The following MAPK10 variants were observed in gnomAD, a reference collection of about 807,000 sequenced individuals.
MAPK10 encodes mitogen-activated protein kinase 10.
In MAPK10, 25 loss-of-function variants were observed where a neutral mutation model predicts 59.3. That is an observed-to-expected ratio of 0.42 (90% confidence interval 0.31 to 0.59). The LOEUF (loss-of-function observed/expected upper bound fraction) is 0.59. MAPK10 is among the 20% of genes least tolerant of loss of function. The pLI is 0.15. For missense variants in MAPK10, 351 were observed against 568.9 expected (o/e 0.62, Z 3.90); for synonymous variants, 190 against 200.5 (o/e 0.95, Z 0.44).
rs143637099 is a variant in MAPK10, at chr4:86,314,211, C to T, written c.-7+40319G>A. Among the ~76,000 whole-genome samples, 463 of 152,270 alleles carry T rather than the reference C, an allele frequency of 3.0e-3. 3 individuals are homozygous for T. Among genetic ancestry groups the T allele is most frequent in the Non-Finnish European group, 4.8e-3 (326 of 68,010 alleles). On this transcript the variant is annotated intron_variant, in intron 2 of 13. Transcript: ENST00000641462. ...CTGCAAGGAGGCCCAAAGGAGCCTT[C>T]CAGGCTCCTGGAAATATTCTAGATC... is the stretch of plus-strand genomic sequence containing the variant.
intron 2 of MAPK10, among the ~76,000 whole-genome samples, chr4:86,214,223 T>C (rs960528565): frequency 3.3e-5 from 5 of 151,954 alleles, no homozygotes; most frequent in African/African-American, 1.2e-4. Flanking sequence ...AAAAATAGAA[T>C]GAAACTATCT....
chr4:86,466,750 G>A (rs1295870571), intron 1 of MAPK10, among the ~76,000 whole-genome samples: 1 of 152,174 alleles, frequency 6.6e-6, no homozygotes, highest in Non-Finnish European at 1.5e-5. Context: ...CAGAACAAAA[G>A]AGGGTTTGGG....
chr4:86,414,996 G>A (rs1745677051), intron 1 of MAPK10, among the ~76,000 whole-genome samples: 2 of 151,944 alleles, frequency 1.3e-5, no homozygotes, highest in Admixed American at 6.6e-5. Flanking sequence ...AAATTAGCCA[G>A]GTGTTGTGGC....
chr4:86,548,501 A>G (rs998022694), intron 1 of MAPK10, among the ~76,000 whole-genome samples: 7 of 152,184 alleles, frequency 4.6e-5, no homozygotes, highest in African/African-American at 1.4e-4. Flanking sequence ...ATGTTGAATT[A>G]TAATCTCCAG....
intron 1 of MAPK10, among the ~76,000 whole-genome samples, chr4:86,421,796 G>A (rs79056453): frequency 0.04 from 6,120 of 152,172 alleles, 277 homozygotes; most frequent in African/African-American, 0.11. Context: ...GGATCGTGCC[G>A]CTCCTCTGAT....
chr4:86,587,202 G>A (rs1578190583), intron 1 of MAPK10, among the ~76,000 whole-genome samples: 1 of 152,198 alleles, frequency 6.6e-6, no homozygotes, highest in Non-Finnish European at 1.5e-5. Context: ...TAAGTGGCTT[G>A]CCAAGATTTG....
rs760481322 is a variant in MAPK10, at chr4:86,494,822, G to GAC, written c.-263+99086_-263+99087dup. Among the ~76,000 whole-genome samples the GAC allele has an allele frequency of 9.5e-5, 10 of 105,684 alleles. No homozygotes were observed. In the East Asian group the frequency reaches 3.2e-3, roughly 34 times the overall value. The allele number at this position is 105,684 out of a possible 152,430, so 69.3% of individuals were successfully genotyped here. A position where few individuals can be genotyped will look rare whatever the true frequency, so the allele number is the denominator to read the frequency against. ...CGTGCCACTGCACTCCAGCCTGGGC[G>GAC]ACAGAGAGAGACTCCGTCTCAAAAA... is the stretch of plus-strand genomic sequence containing the variant. On this transcript the variant is annotated intron_variant, in intron 1 of 4. Coordinates refer to the MAPK10 transcript ENST00000502302.
chr4:86,359,288 C>CTCTCTCTCTCTCTCTCTCTCTCTCTG (rs796310826), intron 1 of MAPK10, among the ~76,000 whole-genome samples: 1 of 94,608 alleles, frequency 1.1e-5, no homozygotes, highest in African/African-American at 5.3e-5. Context: ...CTCTCTCTCT[C>CTCTCTCTCTCTCTCTCTCTCTCTCTG]TGTGTGTGTG....
At chr4:86,171,729 G>A (rs944886357) in intron 3 of MAPK10, among the ~76,000 whole-genome samples, 16 of 151,786 alleles carry the variant, frequency 1.1e-4, no homozygotes, top group African/African-American at 3.9e-4. Context: ...TGACAAATGG[G>A]ATCTAATTAA....
chr4:86,372,032 C>G (rs1025902570), intron 1 of MAPK10, among the ~76,000 whole-genome samples: 1 of 152,082 alleles, frequency 6.6e-6, no homozygotes, highest in African/African-American at 2.4e-5. Context: ...CCAAGTGGAC[C>G]TAATAGACAT....
intron 2 of MAPK10, among the ~76,000 whole-genome samples, chr4:86,290,991 AG>A (rs1474449562): frequency 1.3e-5 from 2 of 152,208 alleles, no homozygotes; most frequent in African/African-American, 4.8e-5. Flanking sequence ...AACATTCTCA[AG>A]GAACACTCAG....
chr4:86,478,041 C>G (rs1032928515), intron 1 of MAPK10, among the ~76,000 whole-genome samples: 1 of 152,144 alleles, frequency 6.6e-6, no homozygotes, highest in Non-Finnish European at 1.5e-5. Flanking sequence ...TAAAAACACA[C>G]GTGCTTTCCC....
intron 2 of MAPK10, among the ~76,000 whole-genome samples, chr4:86,240,672 A>T (rs10470881): frequency 0.29 from 40,437 of 140,184 alleles, 7,386 homozygotes; most frequent in African/African-American, 0.58. Context: ...GTGCCTTTTT[A>T]TTTTTTTCCA....
chr4:86,419,240 C>T (rs900595178), intron 1 of MAPK10, among the ~76,000 whole-genome samples: 3 of 151,978 alleles, frequency 2.0e-5, no homozygotes, highest in African/African-American at 7.3e-5. Flanking sequence ...AAAAATATTT[C>T]CTTATCATAT....
At chr4:86,515,104 G>C (rs1035558372) in intron 1 of MAPK10, among the ~76,000 whole-genome samples, 2 of 151,896 alleles carry the variant, frequency 1.3e-5, no homozygotes, top group Non-Finnish European at 2.9e-5. Flanking sequence ...TCGTTGTTTG[G>C]GTTTCCATTC....
intron 2 of MAPK10, among the ~76,000 whole-genome samples, chr4:86,282,801 C>A (rs1232793489): frequency 1.3e-5 from 2 of 152,110 alleles, no homozygotes; most frequent in African/African-American, 4.8e-5. Flanking sequence ...TGGGAACATC[C>A]AAGAGGATGG....
intron 1 of MAPK10, among the ~76,000 whole-genome samples, chr4:86,482,546 C>T (rs1564932316): frequency 6.6e-6 from 1 of 152,230 alleles, no homozygotes; most frequent in East Asian, 1.9e-4. Context: ...CAGAGAGCTC[C>T]TGCCGTTGTG....
upstream of MAPK10, among the ~76,000 whole-genome samples, chr4:86,363,054 T>A (rs984165116): frequency 3.3e-5 from 5 of 152,136 alleles, no homozygotes; most frequent in Non-Finnish European, 5.9e-5. Flanking sequence ...ATATATCAAC[T>A]AGACAGCAGA....
chr4:86,216,897 A>G (rs924970420), intron 2 of MAPK10, among the ~76,000 whole-genome samples: 1 of 152,160 alleles, frequency 6.6e-6, no homozygotes, highest in African/African-American at 2.4e-5. Context: ...TTTGTTTCAT[A>G]ATGAAAAATG....
Sources: allele counts gnomAD v4.1 joint callset (sites outside exome capture counted in the v4.1 genomes callset), GRCh38; gene constraint gnomAD v4.1.1; transcripts MANE v1.5; gene names NCBI Gene and HGNC (gene_info 2026-07-23, HGNC 2026-07-21).